The following FHIT variants were observed in gnomAD, a reference collection of about 807,000 sequenced individuals.
FHIT encodes fragile histidine triad diadenosine triphosphatase, also known as bis(5'-adenosyl)-triphosphatase.
A neutral mutation model predicts 17.9 loss-of-function variants in FHIT; 19 were observed. The ratio of observed to expected loss-of-function variants is 1.06; its 90% CI spans 0.74 to 1.56. FHIT has a LOEUF of 1.56. Ranked by LOEUF, FHIT falls within the 40% of genes most tolerant of loss-of-function variation. FHIT has a pLI of 0.00. For synonymous variants in FHIT, 81 were observed against 69.7 expected (o/e 1.16, Z -0.81); for missense variants, 248 against 189.2 (o/e 1.31, Z -1.82).
chr3:61,203,358 A>T (rs1292062177), intron 1 of FHIT, among the ~76,000 whole-genome samples: 1 of 152,012 alleles, frequency 6.6e-6, no homozygotes, highest in African/African-American at 2.4e-5. Flanking sequence ...TCAAAAAAAA[A>T]AAAAGAAAAA....
chr3:60,371,862 T>C (rs547130644), intron 5 of FHIT, among the ~76,000 whole-genome samples: 103 of 147,200 alleles, frequency 7.0e-4, no homozygotes, highest in African/African-American at 2.4e-3. Context: ...TTTTTTTAGC[T>C]CAAAATGTTT....
Position 60,390,396 on chromosome 3 carries a change from T to TAAAAAAAAAAAAAAAAA in FHIT, c.103+146447_103+146463dup, listed in dbSNP as rs869078939. Reference sequence around the variant, plus strand: ...TGGTCCCTTAAGATTGTAATGGAGCTAAAAAAAAAAAAAAAAAAAAAAAAA... The same window carrying TAAAAAAAAAAAAAAAAA: ...TGGTCCCTTAAGATTGTAATGGAGCTAAAAAAAAAAAAAAAAAAAAAAAAAAAAAAAAAAAAAAAAAA... On this transcript the variant is annotated intron_variant, in intron 5 of 9. Coordinates refer to ENST00000492590, the MANE Select transcript of FHIT (RefSeq NM_002012.4). 1.7e-3 allele frequency among the ~76,000 whole-genome samples: 53 copies of TAAAAAAAAAAAAAAAAA among 32,016 alleles called. 1 individual carries two copies. The highest frequency in any genetic ancestry group is 5.1e-3 in the African/African-American group (42 of 8,202). 21.0% of individuals were successfully genotyped at this position (32,016 alleles called of 152,430 possible). A position where few individuals can be genotyped will look rare whatever the true frequency, so the allele number is the denominator to read the frequency against.
intron 5 of FHIT, among the ~76,000 whole-genome samples, chr3:60,079,772 A>G (rs1703196241): frequency 6.6e-6 from 1 of 152,234 alleles, no homozygotes; most frequent in South Asian, 2.1e-4. Flanking sequence ...GCGCAACCAT[A>G]AACTTCAGTG....
chr3:60,928,088 T>C (rs782307864), intron 3 of FHIT, among the ~76,000 whole-genome samples: 4 of 152,140 alleles, frequency 2.6e-5, no homozygotes, highest in Admixed American at 6.5e-5. Flanking sequence ...ATGTGCTTTA[T>C]TAAACAGATG....
intron 3 of FHIT, among the ~76,000 whole-genome samples, chr3:60,911,865 A>G (rs1405334844): frequency 6.6e-6 from 1 of 152,332 alleles, no homozygotes; most frequent in East Asian, 1.9e-4. Context: ...CCAACACACA[A>G]TGAAAACAAG....
intron 5 of FHIT, among the ~76,000 whole-genome samples, chr3:60,411,776 A>G (rs972261039): frequency 2.6e-5 from 4 of 152,162 alleles, no homozygotes; most frequent in African/African-American, 9.7e-5. Flanking sequence ...GACAAAATAC[A>G]AAAGATGTAA....
At chr3:59,913,693 G>T (rs534950231) in intron 8 of FHIT, among the ~76,000 whole-genome samples, 1 of 152,062 alleles carries the variant, frequency 6.6e-6, no homozygotes, top group African/African-American at 2.4e-5. Flanking sequence ...CAAAGACTGC[G>T]AACTATAGTT....
chr3:61,029,676 G>A (rs1166483923), intron 3 of FHIT, among the ~76,000 whole-genome samples: 1 of 152,174 alleles, frequency 6.6e-6, no homozygotes, highest in African/African-American at 2.4e-5. Flanking sequence ...GAGAGAAAAG[G>A]TAGGAAGAGA....
chr3:61,190,590 A>C (rs982182797), intron 2 of FHIT, among the ~76,000 whole-genome samples: 5 of 152,274 alleles, frequency 3.3e-5, no homozygotes, highest in East Asian at 3.9e-4. Context: ...GGTATATACT[A>C]AAAGGATTAT....
intron 5 of FHIT, among the ~76,000 whole-genome samples, chr3:60,397,017 T>C (rs771794023): frequency 6.6e-6 from 1 of 152,158 alleles, no homozygotes; most frequent in Non-Finnish European, 1.5e-5. Context: ...AAATCACATA[T>C]AGGAATGCAC....
chr3:60,952,951 T>C (rs986945993), intron 3 of FHIT, among the ~76,000 whole-genome samples: 1 of 152,202 alleles, frequency 6.6e-6, no homozygotes, highest in Non-Finnish European at 1.5e-5. Context: ...ATAAAACTTA[T>C]ATTAAATAAA....
At position 60,140,486 on chromosome 3, in the gene FHIT, G is replaced by GT. The variant is rs570117179; in HGVS notation, c.104-126335dup. ...CTACTAGTGGCAAGATAGTAACATT[G>GT]TATGGCCAATGACCACCACATGAGA... On this transcript the variant is annotated intron_variant, in intron 5 of 9. Coordinates refer to ENST00000492590, the MANE Select transcript of FHIT (RefSeq NM_002012.4). Among the ~76,000 whole-genome samples the GT allele has an allele frequency of 9.2e-5, 14 of 151,958 alleles. No homozygotes were observed. In the South Asian group the frequency reaches 2.5e-3, roughly 27 times the overall value.
At chr3:60,418,416 ATATATATATACG>A (rs1559897316) in intron 5 of FHIT, among the ~76,000 whole-genome samples, 22 of 45,686 alleles carry the variant, frequency 4.8e-4, no homozygotes, top group Non-Finnish European at 8.8e-4. Flanking sequence ...ATATATATAT[ATATATATATACG>A]TGTATACACA....
intron 3 of FHIT, among the ~76,000 whole-genome samples, chr3:60,833,943 T>C (rs951712663): frequency 3.9e-5 from 6 of 152,246 alleles, no homozygotes; most frequent in Non-Finnish European, 5.9e-5. Context: ...TCCCTGAAGA[T>C]TCAGTCAAGT....
At chr3:60,568,461 G>T (rs936814530) in intron 4 of FHIT, among the ~76,000 whole-genome samples, 1 of 151,644 alleles carries the variant, frequency 6.6e-6, no homozygotes, top group Admixed American at 6.6e-5. Flanking sequence ...CTGTTGTGGG[G>T]TGGAGGGAGG....
At chr3:59,963,907 C>T (rs987713258) in intron 7 of FHIT, among the ~76,000 whole-genome samples, 2 of 152,180 alleles carry the variant, frequency 1.3e-5, no homozygotes, top group African/African-American at 2.4e-5. Context: ...TAAACAGATG[C>T]ATGTCACTAA....
At chr3:60,443,265 T>A (rs7373797) in intron 5 of FHIT, among the ~76,000 whole-genome samples, 1,836 of 152,144 alleles carry the variant, frequency 0.012, 39 homozygotes, top group African/African-American at 0.04. Flanking sequence ...TACCCTTTAC[T>A]TCTTTCTCCT....
rs193279318 is a variant in FHIT, at chr3:60,104,402, A to G, written c.104-90250T>C. Among the ~76,000 whole-genome samples, 161 of 152,286 alleles carry G rather than the reference A, an allele frequency of 1.1e-3. 1 individual carries two copies. The highest frequency in any genetic ancestry group is 3.0e-3 in the African/African-American group (126 of 41,564). On this transcript the variant is annotated intron_variant, in intron 5 of 9. Coordinates refer to ENST00000492590, the MANE Select transcript of FHIT (RefSeq NM_002012.4). The stretch of plus-strand genomic sequence containing the variant: ...ATGACCCAAATCATTCCAAACAACT[A>G]TAAGTGACTTTATATTCAGAATAGC...
chr3:61,091,156 T>G (rs1343993133), intron 2 of FHIT, among the ~76,000 whole-genome samples: 3 of 152,206 alleles, frequency 2.0e-5, no homozygotes, highest in Admixed American at 2.0e-4. Context: ...CAGCTGGTTT[T>G]GTATCAAGGA....
Sources: allele counts gnomAD v4.1 joint callset (sites outside exome capture counted in the v4.1 genomes callset), GRCh38; gene constraint gnomAD v4.1.1; transcripts MANE v1.5; gene names NCBI Gene and HGNC (gene_info 2026-07-23, HGNC 2026-07-21).